The following SCARB2 variants were observed in gnomAD, a reference collection of about 807,000 sequenced individuals.
The protein encoded by SCARB2 is lysosome membrane protein 2.
In SCARB2, 29 loss-of-function variants were observed where a neutral mutation model predicts 58.6. That is an observed-to-expected ratio of 0.49 (90% CI 0.37 to 0.67). The LOEUF (loss-of-function observed/expected upper bound fraction) is 0.67. SCARB2 is among the 30% of genes least tolerant of loss of function. The pLI, the probability that SCARB2 is intolerant of heterozygous loss-of-function variation, is 0.00. For synonymous variants in SCARB2, 195 were observed against 210.1 expected (o/e 0.93, Z 0.62); for missense variants, 488 against 578.5 (o/e 0.84, Z 1.60).
rs1560710746 is a variant in SCARB2 at position 76,180,949 on chromosome 4, C to G, written c.423+5G>C. 1 of 1,608,602 alleles carries G rather than the reference C, an allele frequency of 6.2e-7. No homozygotes were observed. The highest frequency in any genetic ancestry group is 8.5e-7 in the Non-Finnish European group (1 of 1,177,434). ...CAACTTAATGGTATTAAAATGCCTACTTACCAATACAGGAATATTTAATGT... is the reference window on the plus strand; with the variant it reads ...CAACTTAATGGTATTAAAATGCCTAGTTACCAATACAGGAATATTTAATGT... On this transcript the variant is annotated splice_donor_5th_base_variant and intron_variant, in intron 3 of 11. Transcript: ENST00000264896.
upstream of SCARB2, among the ~76,000 whole-genome samples, chr4:76,216,109 A>G (rs569110214): frequency 3.3e-5 from 5 of 152,298 alleles, no homozygotes; most frequent in South Asian, 1.0e-3. Context: ...GGTGGTCTCC[A>G]GTCCTCAGGT....
At chr4:76,233,486 C>A (rs1415548950) in intron 1 of SCARB2, among the ~76,000 whole-genome samples, 1 of 152,166 alleles carries the variant, frequency 6.6e-6, no homozygotes, top group Non-Finnish European at 1.5e-5. Flanking sequence ...AAAGGCATCA[C>A]AGCTTTTATC....
Position 76,181,072 on chromosome 4 carries a change from A to T in SCARB2, c.305T>A (p.Phe102Tyr). ...AGATATTGTTGTTCCATTATCTCCA[A>T]ATTGAATATTTGCTTTGTTTCTGAG... Reference protein sequence around the residue: ...RELRNKANIQFGDNGTTISAV... With the variant: ...RELRNKANIQYGDNGTTISAV... Residue 102 changes from phenylalanine to tyrosine, a missense_variant, in exon 3 of 12, where the codon TTT becomes TAT. Coordinates refer to ENST00000264896, the MANE Select transcript of SCARB2 (RefSeq NM_005506.4). 6.2e-7 allele frequency: 1 copy of T among 1,613,804 alleles called. No homozygotes were observed. Among genetic ancestry groups the T allele is most frequent in the Non-Finnish European group, 8.5e-7 (1 of 1,179,876 alleles).
intron 2 of SCARB2, among the ~76,000 whole-genome samples, chr4:76,182,462 T>TA (rs1732404244): frequency 2.0e-5 from 3 of 152,234 alleles, no homozygotes; most frequent in Admixed American, 2.0e-4. Context: ...TTCTACTTTT[T>TA]AAAAAATGTG....
At chr4:76,229,519 T>G (rs191307330) in intron 1 of SCARB2, among the ~76,000 whole-genome samples, 1 of 152,336 alleles carries the variant, frequency 6.6e-6, no homozygotes, top group East Asian at 1.9e-4. Context: ...CAGATTCTTT[T>G]GTCCTATAGG....
chr4:76,203,055 A>C (rs1286795568), intron 1 of SCARB2, among the ~76,000 whole-genome samples: 1 of 152,120 alleles, frequency 6.6e-6, no homozygotes, highest in Non-Finnish European at 1.5e-5. Context: ...GCAGTGGTGC[A>C]ATCTTGGCTC....
intron 2 of SCARB2, among the ~76,000 whole-genome samples, chr4:76,188,846 C>T (rs1293341002): frequency 6.6e-6 from 1 of 152,162 alleles, no homozygotes; most frequent in Non-Finnish European, 1.5e-5. Flanking sequence ...ATCTCACGAC[C>T]CACTCAGCCC....
rs77331216 is a variant in SCARB2 at position 76,160,575 on chromosome 4, T to C, written c.*1138A>G. 3.9e-5 allele frequency: 6 copies of C among 152,324 alleles called. No individual in the cohort carries two copies. Among genetic ancestry groups the C allele is most frequent in the East Asian group, 1.9e-4 (1 of 5,178 alleles). The allele number at this position is 152,324 out of a possible 1,614,324, so 9.4% of individuals were successfully genotyped here. A position where few individuals can be genotyped will look rare whatever the true frequency, so the allele number is the denominator to read the frequency against. On this transcript the variant is annotated 3_prime_UTR_variant, in exon 12 of 12. Coordinates refer to ENST00000264896, the MANE Select transcript of SCARB2 (RefSeq NM_005506.4). ...AGCAAAATGATTGTCACAGGAAGTA[T>C]AGGGCACACGTTTCTCTATTCAGTG...
chr4:76,210,930 A>T (rs568107826), intron 1 of SCARB2, among the ~76,000 whole-genome samples: 2 of 152,226 alleles, frequency 1.3e-5, no homozygotes, highest in Admixed American at 6.5e-5. Flanking sequence ...GGGCATAGAC[A>T]ATCTTCAAAT....
At chr4:76,190,618 T>C (rs1732585137) in intron 2 of SCARB2, among the ~76,000 whole-genome samples, 1 of 152,080 alleles carries the variant, frequency 6.6e-6, no homozygotes, top group African/African-American at 2.4e-5. Context: ...ACCTTGTCTC[T>C]ACTAAAAATA....
chr4:76,167,678 C>A (rs1294537678), intron 9 of SCARB2, among the ~76,000 whole-genome samples: 10 of 123,194 alleles, frequency 8.1e-5, no homozygotes, highest in South Asian at 3.0e-4. Flanking sequence ...TCCCTCCCCC[C>A]CCCCGCTTTT....
intron 11 of SCARB2, chr4:76,162,054 A>G (rs1731910974): frequency 4.3e-6 from 2 of 467,544 alleles, no homozygotes; most frequent in Non-Finnish European, 3.9e-6. Flanking sequence ...TTTGAAACCT[A>G]CTAAGGAGTA....
At chr4:76,178,030 T>C (rs1007864570) in intron 4 of SCARB2, among the ~76,000 whole-genome samples, 2 of 152,206 alleles carry the variant, frequency 1.3e-5, no homozygotes, top group African/African-American at 4.8e-5. Context: ...TTATAGTAAG[T>C]GAATTATTTC....
At chr4:76,229,698 T>C (rs985083953) in intron 1 of SCARB2, among the ~76,000 whole-genome samples, 5 of 152,210 alleles carry the variant, frequency 3.3e-5, no homozygotes, top group African/African-American at 7.2e-5. Flanking sequence ...CATCTTCAGG[T>C]TTCCCAGCTG....
chr4:76,192,761 G>C (rs1230918689), intron 2 of SCARB2: 1 of 152,084 alleles, frequency 6.6e-6, no homozygotes, highest in African/African-American at 2.4e-5. Flanking sequence ...CTGAGGCAGG[G>C]GGAACCCTTG....
chr4:76,184,797 AAAT>A, intron 2 of SCARB2: 2 of 344,988 alleles, frequency 5.8e-6, no homozygotes, highest in Non-Finnish European at 5.3e-6. Context: ...AAAAAAAAAA[AAAT>A]TTTAATTTAA....
At chr4:76,221,913 A>G (rs1733316048) in intron 1 of SCARB2, among the ~76,000 whole-genome samples, 1 of 152,206 alleles carries the variant, frequency 6.6e-6, no homozygotes, top group South Asian at 2.1e-4. Flanking sequence ...TAAAATAAAA[A>G]TCAAAGGAAA....
At chr4:76,168,362 G>C in intron 9 of SCARB2, 41 bp downstream of exon 9, 2 of 1,515,308 alleles carry the variant, frequency 1.3e-6, no homozygotes, top group Non-Finnish European at 1.8e-6. Context: ...GGGCAATGGA[G>C]CAAAACTGCT....
chr4:76,178,191 C>A (rs1732291939), intron 4 of SCARB2, among the ~76,000 whole-genome samples: 1 of 152,170 alleles, frequency 6.6e-6, no homozygotes, highest in South Asian at 2.1e-4. Flanking sequence ...TTCTTAAGGG[C>A]ACATACAGAC....
Sources: gnomAD v4.1 joint callset for allele counts (sites outside exome capture counted in the v4.1 genomes callset) on GRCh38, gnomAD v4.1.1 for gene constraint, MANE v1.5 for transcripts, NCBI Gene and HGNC (gene_info 2026-07-23, HGNC 2026-07-21) for gene names.